Variants in BLOC1S6 observed in about 807,000 individuals in gnomAD.
BLOC1S6 encodes the protein biogenesis of lysosome-related organelles complex 1 subunit 6.
A neutral mutation model predicts 24.7 loss-of-function variants in BLOC1S6; 24 were observed. The observed-to-expected ratio is 0.97, with a 90% CI of 0.70 to 1.37. The LOEUF is 1.37. Ranked by LOEUF, BLOC1S6 falls within the 40% of genes most tolerant of loss-of-function variation. The pLI is 0.00. For synonymous variants in BLOC1S6, 76 were observed against 72.6 expected, an observed-to-expected ratio of 1.05 and a Z score of -0.23; for missense variants, 175 against 196.2, an observed-to-expected ratio of 0.89 and a Z score of 0.64.
At chr15:45,587,580 C>G in intron 1 of BLOC1S6, 55 bp downstream of exon 1, 1 of 1,485,026 alleles carries the variant, frequency 6.7e-7, no homozygotes, top group Admixed American at 2.0e-5. Context: ...GGGCGGGGAC[C>G]TGAGTGAGTA....
At chr15:45,603,769 A>C (rs75374426) in intron 3 of BLOC1S6, among the ~76,000 whole-genome samples, 17 of 149,450 alleles carry the variant, frequency 1.1e-4, no homozygotes, top group African/African-American at 3.7e-4. Context: ...TTGGGGTACC[A>C]TTTTTTTTTT....
intron 2 of BLOC1S6, among the ~76,000 whole-genome samples, chr15:45,593,821 C>T (rs973378713): frequency 6.6e-6 from 1 of 151,978 alleles, no homozygotes; most frequent in Non-Finnish European, 1.5e-5. Context: ...ATCTCAGTTA[C>T]TCCTGACACC....
chr15:45,588,326 C>T (rs963995007), intron 1 of BLOC1S6, among the ~76,000 whole-genome samples: 3 of 152,194 alleles, frequency 2.0e-5, no homozygotes, highest in South Asian at 2.1e-4. Context: ...ACTTGGGCCC[C>T]TCTCTTAACT....
chr15:45,587,937 T>C, intron 1 of BLOC1S6: 1 of 595,222 alleles, frequency 1.7e-6, no homozygotes, highest in Non-Finnish European at 3.0e-6. Flanking sequence ...TGATATTACT[T>C]CATCCCTATT....
At chr15:45,604,189 C>A (rs1180999010) in intron 3 of BLOC1S6, among the ~76,000 whole-genome samples, 2 of 152,092 alleles carry the variant, frequency 1.3e-5, no homozygotes, top group Admixed American at 6.6e-5. Context: ...GCCAACGTAG[C>A]AAGACCCCAT....
At chr15:45,588,030 C>T (rs915122342) in intron 1 of BLOC1S6, among the ~76,000 whole-genome samples, 4 of 152,238 alleles carry the variant, frequency 2.6e-5, no homozygotes, top group Admixed American at 6.5e-5. Context: ...AATGAATTAA[C>T]TTGCTGTGCA....
Position 45,609,690 on chromosome 15 carries a change from A to G in BLOC1S6, c.*3176A>G, listed in dbSNP as rs184061558. 6.6e-6 allele frequency: 1 copy of G among 152,322 alleles called. No individual in the cohort carries two copies. The highest frequency in any genetic ancestry group is 6.5e-5 in the Admixed American group (1 of 15,292). The allele number at this position is 152,322 out of a possible 1,614,324, so 9.4% of individuals were successfully genotyped here. On this transcript the variant is annotated 3_prime_UTR_variant, in exon 5 of 5. Coordinates refer to ENST00000220531, the MANE Select transcript of BLOC1S6 (RefSeq NM_012388.4). ...ATGAGAACTGCTTTTTACACATTTA[A>G]TAAAAAAAGGTCTCTGAATTATCTG...
rs1894601640 is a variant in BLOC1S6 at position 45,609,454 on chromosome 15, A to G, written c.*2940A>G. 1 of 152,232 alleles carries G rather than the reference A, an allele frequency of 6.6e-6. No homozygotes were observed. Among genetic ancestry groups the G allele is most frequent in the Non-Finnish European group, 1.5e-5 (1 of 68,032 alleles). The allele number at this position is 152,232 out of a possible 1,614,324, so 9.4% of individuals were successfully genotyped here. On this transcript the variant is annotated 3_prime_UTR_variant, in exon 5 of 5. Transcript: ENST00000220531. The stretch of plus-strand genomic sequence containing the variant: ...TGGGAGACTTCTGTTCTTTGTTGAA[A>G]AAAATTGCCTTTGTTTTGAAATTAT...
rs2140923224 is a variant in BLOC1S6 at position 45,608,606 on chromosome 15, C to T, written c.*2092C>T. 6.6e-6 allele frequency: 1 copy of T among 152,290 alleles called. No individual in the cohort carries two copies. The highest frequency in any genetic ancestry group is 3.4e-3 in the Middle Eastern group (1 of 296). The allele number at this position is 152,290 out of a possible 1,614,324, so 9.4% of individuals were successfully genotyped here. On this transcript the variant is annotated 3_prime_UTR_variant, in exon 5 of 5. Transcript: ENST00000220531. ...TCCAGTGCACCTGAAAAGTTGAGAA[C>T]CACAGGCTTAGTGGTACGTTGGGGT...
intron 2 of BLOC1S6, among the ~76,000 whole-genome samples, chr15:45,594,124 C>T (rs979649510): frequency 3.3e-5 from 5 of 151,980 alleles, no homozygotes; most frequent in Admixed American, 3.3e-4. Flanking sequence ...AGTCCTGGCT[C>T]TGCCATCAAA....
At chr15:45,590,000 T>TG (rs1893825035) in intron 1 of BLOC1S6, among the ~76,000 whole-genome samples, 1 of 152,180 alleles carries the variant, frequency 6.6e-6, no homozygotes, top group Admixed American at 6.5e-5. Context: ...TGCCCTTTTT[T>TG]GGGGTGTTCC....
chr15:45,600,814 T>G (rs953726348), intron 2 of BLOC1S6, among the ~76,000 whole-genome samples: 4 of 152,224 alleles, frequency 2.6e-5, no homozygotes, highest in African/African-American at 9.6e-5. Flanking sequence ...AATGCTAGCC[T>G]CATAGAATGA....
chr15:45,589,568 C>T, intron 1 of BLOC1S6, among the ~76,000 whole-genome samples: 1 of 152,180 alleles, frequency 6.6e-6, no homozygotes, highest in East Asian at 1.9e-4. Context: ...TTTTCTGTTT[C>T]TCATTTTCTG....
upstream of BLOC1S6, chr15:45,587,356 T>A (rs898262262): frequency 1.8e-5 from 23 of 1,312,384 alleles, no homozygotes; most frequent in Admixed American, 4.3e-4. Context: ...ATCTCTTCTG[T>A]CCGGCCAGCC....
intron 2 of BLOC1S6, among the ~76,000 whole-genome samples, chr15:45,594,395 CCT>C (rs1386267051): frequency 6.6e-6 from 1 of 152,134 alleles, no homozygotes; most frequent in Non-Finnish European, 1.5e-5. Context: ...TTGTCAGTGG[CCT>C]CCATGGAGCT....
chr15:45,608,931 T>C lies in BLOC1S6; in HGVS notation c.*2417T>C, dbSNP rs948098050. ...AACCCCAGTAGACAGGCAATAGATA[T>C]AGAATTCTGGTTAGCTAATTGAACT... On this transcript the variant is annotated 3_prime_UTR_variant, in exon 5 of 5. Coordinates refer to ENST00000220531, the MANE Select transcript of BLOC1S6 (RefSeq NM_012388.4). 3.3e-5 allele frequency: 5 copies of C among 152,210 alleles called. No individual in the cohort carries two copies. Among genetic ancestry groups the C allele is most frequent in the Non-Finnish European group, 5.9e-5 (4 of 68,040 alleles). The allele number at this position is 152,210 out of a possible 1,614,324, so 9.4% of individuals were successfully genotyped here.
rs1446188257 is a variant in BLOC1S6, at chr15:45,609,697, A to C, written c.*3183A>C. ...CTGCTTTTTACACATTTAATAAAAA[A>C]AGGTCTCTGAATTATCTGATGTCAT... On this transcript the variant is annotated 3_prime_UTR_variant, in exon 5 of 5. Transcript: ENST00000220531. The C allele has an allele frequency of 1.3e-5, 2 of 152,202 alleles. No individual in the cohort carries two copies. Among genetic ancestry groups the C allele is most frequent in the African/African-American group, 4.8e-5 (2 of 41,452 alleles). 9.4% of individuals were successfully genotyped at this position (152,202 alleles called of 1,614,324 possible). A position where few individuals can be genotyped will look rare whatever the true frequency, so the allele number is the denominator to read the frequency against.
intron 1 of BLOC1S6, chr15:45,587,971 G>C (rs1893745588): frequency 1.7e-6 from 1 of 576,582 alleles, no homozygotes; most frequent in Admixed American, 3.4e-5. Flanking sequence ...TCTCGACCGA[G>C]TTCCAGGAGG....
intron 2 of BLOC1S6, chr15:45,598,137 C>A (rs1309582792): frequency 6.5e-6 from 1 of 154,916 alleles, no homozygotes; most frequent in Non-Finnish European, 1.4e-5. Context: ...ATTCAACAAC[C>A]CTTCATGCTA....
Sources: gnomAD v4.1 joint callset for allele counts (sites outside exome capture counted in the v4.1 genomes callset) on GRCh38, gnomAD v4.1.1 for gene constraint, MANE v1.5 for transcripts, NCBI Gene and HGNC (gene_info 2026-07-23, HGNC 2026-07-21) for gene names.